The following CHL1 variants were observed in gnomAD, a reference collection of about 807,000 sequenced individuals.
CHL1 encodes cell adhesion molecule L1 like.
Under a neutral mutation model 141.9 loss-of-function variants are expected in CHL1, and 96 were observed. The ratio of observed to expected loss-of-function variants is 0.68; its 90% CI spans 0.57 to 0.80. The LOEUF is 0.80. Among genes scored for constraint, CHL1 ranks in the 30% least tolerant of loss-of-function variants. The probability of loss-of-function intolerance (pLI) is 0.00; values close to 1 mark genes in which losing one functional copy is unlikely to be tolerated. For synonymous variants in CHL1, 613 were observed against 502.2 expected (o/e 1.22, Z -2.95); for missense variants, 1,820 against 1,457.2 (o/e 1.25, Z -4.05).
At chr3:376,131 A>G (rs986664829) in intron 15 of CHL1, among the ~76,000 whole-genome samples, 1 of 152,216 alleles carries the variant, frequency 6.6e-6, no homozygotes, top group African/African-American at 2.4e-5. Context: ...AAATGATACA[A>G]CTTTTTAAAG....
intron 9 of CHL1, among the ~76,000 whole-genome samples, chr3:347,805 A>G (rs1702891079): frequency 6.6e-6 from 1 of 152,208 alleles, no homozygotes; most frequent in Non-Finnish European, 1.5e-5. Context: ...CTGTCTGCCC[A>G]GGCATCATTA....
At chr3:309,189 G>T (rs2124966502) in intron 2 of CHL1, 1 of 152,602 alleles carries the variant, frequency 6.6e-6, no homozygotes, top group African/African-American at 2.4e-5. Context: ...CACACACCCC[G>T]CGTGGATGCG....
At chr3:272,801 T>C (rs1695754130) in intron 2 of CHL1, among the ~76,000 whole-genome samples, 1 of 152,194 alleles carries the variant, frequency 6.6e-6, no homozygotes, top group Admixed American at 6.5e-5. Context: ...CATTCAGTCT[T>C]TCATCCATCC....
rs558441759 is a variant in CHL1 at position 223,174 on chromosome 3, C to T, written c.-174-21439C>T. Among the ~76,000 whole-genome samples, 22 of 152,246 alleles carry T rather than the reference C, an allele frequency of 1.4e-4. 1 individual carries two copies. The highest frequency in any genetic ancestry group is 3.4e-3 in the Middle Eastern group (1 of 294). ...GGGTTATTATTTTAATCAGTTGCTCCACCCTTTAAACTCTTTTCTGGTTGA... is the reference window on the plus strand; with the variant it reads ...GGGTTATTATTTTAATCAGTTGCTCTACCCTTTAAACTCTTTTCTGGTTGA... On this transcript the variant is annotated intron_variant, in intron 1 of 27. Transcript: ENST00000256509.
At chr3:296,049 T>C (rs1449896816) in intron 2 of CHL1, among the ~76,000 whole-genome samples, 1 of 152,182 alleles carries the variant, frequency 6.6e-6, no homozygotes, top group African/African-American at 2.4e-5. Flanking sequence ...GATTGCTTTA[T>C]ATTTTTGATG....
At chr3:342,157 C>T (rs953013426) in intron 7 of CHL1, 75 bp downstream of exon 7, 3 of 1,348,672 alleles carry the variant, frequency 2.2e-6, no homozygotes, top group Admixed American at 2.0e-5. Context: ...CTGGCTGAAG[C>T]CATTTAAAGC....
At chr3:236,270 G>A (rs1691971178) in intron 1 of CHL1, among the ~76,000 whole-genome samples, 4 of 152,184 alleles carry the variant, frequency 2.6e-5, no homozygotes, top group African/African-American at 9.7e-5. Context: ...GTAAGTGGCA[G>A]AGCTTATTCA....
chr3:299,420 C>T (rs1321350483), intron 2 of CHL1, among the ~76,000 whole-genome samples: 1 of 152,032 alleles, frequency 6.6e-6, no homozygotes, highest in Non-Finnish European at 1.5e-5. Context: ...ACCATTGGTT[C>T]CCTTTTGGAT....
chr3:252,597 C>T (rs1339085399), intron 2 of CHL1, among the ~76,000 whole-genome samples: 5 of 151,322 alleles, frequency 3.3e-5, no homozygotes, highest in South Asian at 2.1e-4. Flanking sequence ...GTATATTTAT[C>T]GAGTGAAAAT....
At position 406,788 on chromosome 3, in the gene CHL1, T is replaced by C. The variant is rs556873987; in HGVS notation, c.*1077T>C. On this transcript the variant is annotated 3_prime_UTR_variant, in exon 28 of 28. Transcript: ENST00000256509. Reference sequence around the variant, plus strand: ...AAAGCTGAAGACTTTGTATAAAGTATTTGGGTTTTGTTCTTGTATTGCTTT... The same window carrying C: ...AAAGCTGAAGACTTTGTATAAAGTACTTGGGTTTTGTTCTTGTATTGCTTT... The C allele has an allele frequency of 6.6e-6, 1 of 152,236 alleles. No individual in the cohort carries two copies. The highest frequency in any genetic ancestry group is 2.4e-5 in the African/African-American group (1 of 41,562). 9.4% of individuals were successfully genotyped at this position (152,236 alleles called of 1,614,324 possible).
chr3:276,999 C>T (rs1350975606), intron 2 of CHL1, among the ~76,000 whole-genome samples: 1 of 150,454 alleles, frequency 6.6e-6, no homozygotes, highest in African/African-American at 2.4e-5. Context: ...AATGACTTCT[C>T]TATACCCAAA....
intron 2 of CHL1, among the ~76,000 whole-genome samples, chr3:313,724 T>C (rs1374418224): frequency 7.2e-5 from 11 of 152,234 alleles, no homozygotes. Flanking sequence ...ACCATTTGTA[T>C]GCATTGTTGC....
intron 2 of CHL1, among the ~76,000 whole-genome samples, chr3:318,230 G>A (rs1252791217): frequency 6.6e-6 from 1 of 151,672 alleles, no homozygotes; most frequent in Non-Finnish European, 1.5e-5. Context: ...TTTACCAATC[G>A]GTACATATAT....
At chr3:330,761 CTT>C (rs1701374409) in intron 5 of CHL1, among the ~76,000 whole-genome samples, 1 of 152,048 alleles carries the variant, frequency 6.6e-6, no homozygotes, top group Admixed American at 6.6e-5. Context: ...AAAGGGCAAA[CTT>C]CAGTAGAAAT....
At chr3:315,571 A>G (rs1575045492) in intron 2 of CHL1, among the ~76,000 whole-genome samples, 1 of 152,274 alleles carries the variant, frequency 6.6e-6, no homozygotes, top group Non-Finnish European at 1.5e-5. Flanking sequence ...CATGATGTGT[A>G]TGTTAGAGGC....
intron 27 of CHL1, among the ~76,000 whole-genome samples, chr3:402,056 A>G (rs751104385): frequency 1.2e-4 from 19 of 152,192 alleles, no homozygotes; most frequent in Non-Finnish European, 2.5e-4. Flanking sequence ...CTGTATACCT[A>G]CAGCGTTGCA....
chr3:323,611 T>G (rs2125056954), intron 3 of CHL1, among the ~76,000 whole-genome samples: 1 of 152,280 alleles, frequency 6.6e-6, no homozygotes, highest in Non-Finnish European at 1.5e-5. Context: ...CCATCATTTT[T>G]TAACTACGTT....
intron 11 of CHL1, among the ~76,000 whole-genome samples, chr3:356,079 C>A (rs1358697098): frequency 6.6e-6 from 1 of 152,190 alleles, no homozygotes; most frequent in East Asian, 1.9e-4. Context: ...TTTCCCATAA[C>A]AGACACTCAG....
chr3:367,497 T>C lies in CHL1; in HGVS notation c.1751+1382T>C, dbSNP rs1705052657. On this transcript the variant is annotated intron_variant, in intron 15 of 27. Coordinates refer to ENST00000256509, the MANE Select transcript of CHL1 (RefSeq NM_006614.4). ...CATAACATAGTTTGAATTAAAAGTA[T>C]TAAAAAGGTACTTTCATTATAGGGT... 2.0e-5 allele frequency among the ~76,000 whole-genome samples: 3 copies of C among 152,198 alleles called. No individual in the cohort carries two copies. In the South Asian group the frequency reaches 6.2e-4, roughly 31 times the overall value.
Sources: gnomAD v4.1 joint callset for allele counts (sites outside exome capture counted in the v4.1 genomes callset) on GRCh38, gnomAD v4.1.1 for gene constraint, MANE v1.5 for transcripts, NCBI Gene and HGNC (gene_info 2026-07-23, HGNC 2026-07-21) for gene names.